The following BMPR2 variants were observed in gnomAD, a reference collection of about 807,000 sequenced individuals.
BMPR2 encodes bone morphogenetic protein receptor type 2, also known as bone morphogenetic protein receptor type-2.
Under a neutral mutation model 100.8 loss-of-function variants are expected in BMPR2, and 29 were observed. The observed-to-expected ratio is 0.29, with a 90% confidence interval of 0.21 to 0.39. The LOEUF (loss-of-function observed/expected upper bound fraction) is 0.39, where lower values mean the gene tolerates loss of function less well. BMPR2 is among the 10% of genes least tolerant of loss of function. BMPR2 has a pLI of 1.00. For missense variants in BMPR2, 1,011 were observed against 1,274.5 expected (o/e 0.79, Z 3.15); for synonymous variants, 382 against 442.3 (o/e 0.86, Z 1.71).
At chr2:202,400,454 G>A (rs1438157944) in intron 1 of BMPR2, among the ~76,000 whole-genome samples, 6 of 151,822 alleles carry the variant, frequency 4.0e-5, no homozygotes, top group Non-Finnish European at 7.4e-5. Context: ...CACCCTTAAT[G>A]TAGTATTCTT....
chr2:202,427,358 CAAAAAAAAAAAAA>C (rs397872093), intron 1 of BMPR2, among the ~76,000 whole-genome samples: 1 of 78,860 alleles, frequency 1.3e-5, no homozygotes, highest in African/African-American at 5.0e-5. Flanking sequence ...GACCCTGGCT[CAAAAAAAAAAAAA>C]AAAAAAAAAG....
At chr2:202,525,986 C>T (rs753400822) in intron 7 of BMPR2, among the ~76,000 whole-genome samples, 11 of 151,232 alleles carry the variant, frequency 7.3e-5, no homozygotes, top group Non-Finnish European at 1.5e-4. Context: ...CTGCCTCAGC[C>T]TCCCGAGTAG....
rs561247672 is a variant in BMPR2, at chr2:202,394,072, G to A, written c.76+16522G>A. On this transcript the variant is annotated intron_variant, in intron 1 of 12. Coordinates refer to ENST00000374580, the MANE Select transcript of BMPR2 (RefSeq NM_001204.7). ...GTTGTATAAAAGATTACTCCTGGCC[G>A]GGCGTGGTGGCTCATGCCTGTAATC... is the stretch of plus-strand genomic sequence containing the variant. Among the ~76,000 whole-genome samples, 105 of 152,182 alleles carry A rather than the reference G, an allele frequency of 6.9e-4. 1 individual carries two copies. The highest frequency in any genetic ancestry group is 2.5e-3 in the African/African-American group (104 of 41,532).
chr2:202,400,308 ATTTTTTT>A (rs35517349), intron 1 of BMPR2, among the ~76,000 whole-genome samples: 128 of 130,570 alleles, frequency 9.8e-4, no homozygotes, highest in Admixed American at 1.6e-3. Context: ...TGCCAAGCTA[ATTTTTTT>A]TTTTTTTTTT....
chr2:202,386,267 A>G (rs1690424484), intron 1 of BMPR2, among the ~76,000 whole-genome samples: 1 of 152,202 alleles, frequency 6.6e-6, no homozygotes, highest in Non-Finnish European at 1.5e-5. Flanking sequence ...CATGTAGCCA[A>G]CTGTGTATCT....
At chr2:202,464,776 T>C in intron 1 of BMPR2, 33 bp from the exon 2 acceptor site, 1 of 1,581,682 alleles carries the variant, frequency 6.3e-7, no homozygotes, top group African/African-American at 1.4e-5. Flanking sequence ...AAACATTAAA[T>C]AATTTGTCAT....
At chr2:202,385,147 CTAT>C (rs1420259073) in intron 1 of BMPR2, among the ~76,000 whole-genome samples, 5 of 151,866 alleles carry the variant, frequency 3.3e-5, no homozygotes, top group East Asian at 1.9e-4. Context: ...TTAAGACTTT[CTAT>C]TATTATTAAT....
intron 1 of BMPR2, among the ~76,000 whole-genome samples, chr2:202,388,047 A>G (rs1690466060): frequency 6.6e-6 from 1 of 152,128 alleles, no homozygotes; most frequent in Non-Finnish European, 1.5e-5. Context: ...ATGCTAATCT[A>G]TAAATTCAGT....
chr2:202,567,733 G>T lies in BMPR2; in HGVS notation c.*7787G>T, dbSNP rs1688788174. ...ATGGTGCGTTATTCCGTTTATTAAA[G>T]ATCATATTAATGACAATAGTAATTG... is the stretch of plus-strand genomic sequence containing the variant. On this transcript the variant is annotated 3_prime_UTR_variant, in exon 13 of 13. Transcript: ENST00000374580. 6.6e-6 allele frequency: 1 copy of T among 152,590 alleles called. No individual in the cohort carries two copies. The highest frequency in any genetic ancestry group is 1.5e-5 in the Non-Finnish European group (1 of 68,028). 9.5% of individuals were successfully genotyped at this position (152,590 alleles called of 1,614,324 possible).
intron 1 of BMPR2, among the ~76,000 whole-genome samples, chr2:202,412,819 A>G (rs192532879): frequency 5.9e-5 from 9 of 152,266 alleles, no homozygotes; most frequent in South Asian, 2.1e-4. Context: ...GTTTATACCT[A>G]TGGTCTTCAG....
intron 1 of BMPR2, among the ~76,000 whole-genome samples, chr2:202,419,495 T>C (rs1483274283): frequency 6.6e-6 from 1 of 152,110 alleles, no homozygotes; most frequent in Non-Finnish European, 1.5e-5. Context: ...TAGCTGGGAT[T>C]ACAGGCGCGT....
chr2:202,528,280 C>T (rs1040782164), intron 7 of BMPR2, among the ~76,000 whole-genome samples: 2 of 152,192 alleles, frequency 1.3e-5, no homozygotes, highest in African/African-American at 4.8e-5. Flanking sequence ...CTCTGCCTCC[C>T]GGCTTCATGC....
chr2:202,438,297 G>A (rs1309075056), intron 1 of BMPR2, among the ~76,000 whole-genome samples: 1 of 150,370 alleles, frequency 6.7e-6, no homozygotes, highest in Admixed American at 6.6e-5. Flanking sequence ...TGGGCAACAA[G>A]AGCGAAACTC....
chr2:202,478,367 A>G (rs1692591159), intron 3 of BMPR2, among the ~76,000 whole-genome samples: 1 of 152,194 alleles, frequency 6.6e-6, no homozygotes, highest in South Asian at 2.1e-4. Flanking sequence ...CATATACAGT[A>G]TGTTAAATAA....
intron 9 of BMPR2, among the ~76,000 whole-genome samples, chr2:202,536,870 CAAAAAAA>C (rs34999694): frequency 0.013 from 1,103 of 84,270 alleles, 13 homozygotes; most frequent in African/African-American, 0.045. Flanking sequence ...AACTCGGTCT[CAAAAAAA>C]AAAAAAAAAA....
Position 202,483,029 on chromosome 2 carries a change from G to A in BMPR2, c.418+15340G>A, listed in dbSNP as rs10174336. Among the ~76,000 whole-genome samples, 594 of 152,088 alleles carry A rather than the reference G, an allele frequency of 3.9e-3. 3 individuals are homozygous for A. Among genetic ancestry groups the A allele is most frequent in the African/African-American group, 0.014 (563 of 41,468 alleles). On this transcript the variant is annotated intron_variant, in intron 3 of 12. Coordinates refer to ENST00000374580, the MANE Select transcript of BMPR2 (RefSeq NM_001204.7). Reference sequence around the variant, plus strand: ...GTTCCAGTTTCTTCACCTTCTTGCCGTCACTTGTTATTTTTTTTAAATAGT... The same window carrying A: ...GTTCCAGTTTCTTCACCTTCTTGCCATCACTTGTTATTTTTTTTAAATAGT...
At chr2:202,400,594 A>C (rs569846244) in intron 1 of BMPR2, among the ~76,000 whole-genome samples, 153 of 152,306 alleles carry the variant, frequency 1.0e-3, no homozygotes, top group Admixed American at 4.1e-3. Flanking sequence ...TGATAATGAT[A>C]ATAGCACACA....
At chr2:202,461,034 G>A (rs553143131) in intron 1 of BMPR2, among the ~76,000 whole-genome samples, 17 of 151,880 alleles carry the variant, frequency 1.1e-4, no homozygotes, top group African/African-American at 3.9e-4. Context: ...ATTCCTTGTG[G>A]TTACCTTACT....
At chr2:202,533,683 C>T (rs1347916621) in intron 9 of BMPR2, among the ~76,000 whole-genome samples, 1 of 151,808 alleles carries the variant, frequency 6.6e-6, no homozygotes, top group East Asian at 1.9e-4. Context: ...ATTAGCCAGG[C>T]GTGGTGGCGA....
Sources: gnomAD v4.1 joint callset for allele counts (sites outside exome capture counted in the v4.1 genomes callset) on GRCh38, gnomAD v4.1.1 for gene constraint, MANE v1.5 for transcripts, NCBI Gene and HGNC (gene_info 2026-07-23, HGNC 2026-07-21) for gene names.